Variants in RAP1GAP observed in about 807,000 individuals in gnomAD.
RAP1GAP encodes the protein RAP1 GTPase activating protein, also known as rap1 GTPase-activating protein 1.
RAP1GAP carries 35 observed loss-of-function variants against 87.2 expected under a neutral mutation model. The ratio of observed to expected loss-of-function variants is 0.40; its 90% confidence interval spans 0.31 to 0.53. RAP1GAP has a LOEUF of 0.53. Ranked by LOEUF, RAP1GAP falls within the 20% of genes least tolerant of loss-of-function variation. The pLI is 0.48. For synonymous variants in RAP1GAP, 375 were observed against 363.9 expected (o/e 1.03, Z -0.35); for missense variants, 734 against 898.9 (o/e 0.82, Z 2.35).
chr1:21,661,351 C>T (rs1005530063), intron 1 of RAP1GAP, among the ~76,000 whole-genome samples: 7 of 152,154 alleles, frequency 4.6e-5, no homozygotes, highest in African/African-American at 1.7e-4. Context: ...ATCTCTGACC[C>T]TCAACCCTGA....
chr1:21,664,780 G>T (rs2097284995), intron 1 of RAP1GAP, among the ~76,000 whole-genome samples: 1 of 151,948 alleles, frequency 6.6e-6, no homozygotes, highest in Non-Finnish European at 1.5e-5. Flanking sequence ...AGAAGTATTG[G>T]ATGTTTTTAG....
chr1:21,628,656 G>A (rs1411237779), intron 2 of RAP1GAP, among the ~76,000 whole-genome samples: 2 of 151,666 alleles, frequency 1.3e-5, no homozygotes, highest in African/African-American at 4.8e-5. Flanking sequence ...GGAGGCGGAG[G>A]TTGCAGTGAG....
At position 21,609,982 on chromosome 1, in the gene RAP1GAP, G is replaced by C. The variant is rs1271040195; in HGVS notation, c.999+138C>G. The C allele has an allele frequency of 9.0e-7, 1 of 1,106,750 alleles. No homozygotes were observed. Among genetic ancestry groups the C allele is most frequent in the East Asian group, 2.6e-5 (1 of 38,608 alleles). The allele number at this position is 1,106,750 out of a possible 1,614,324, so 68.6% of individuals were successfully genotyped here. On this transcript the variant is annotated intron_variant, in intron 14 of 24. Transcript: ENST00000374765. This position sits in a 1 kb window ranked among gnomAD's most constrained non-coding sequence, Gnocchi z 4.4. ...TTGGGGACGACAGGGGGCGTGGTGT[G>C]AACAGTGCACCATTGAAGCCTTCCA...
rs1247518460 is a variant in RAP1GAP, at chr1:21,606,075, C to T, written c.1419G>A (p.Ala473=). The change falls in exon 18 of 25, where the codon GCG becomes GCA. Residue 473 remains alanine, a synonymous_variant. Transcript: ENST00000374765. ...FAPNNPDLAK[A]AGISLIVPGK... is the part of the protein sequence containing the mutation. ...GGGGGAGGGCACTCACTATTCCAGC[C>T]GCCTTGGCCAGGTCGGGGTTGTTGG... 7.6e-6 allele frequency: 12 copies of T among 1,582,994 alleles called. No individual in the cohort carries two copies. Among genetic ancestry groups the T allele is most frequent in the African/African-American group, 2.7e-5 (2 of 74,738 alleles).
At chr1:21,604,870 T>C (rs2072886731) in intron 18 of RAP1GAP, among the ~76,000 whole-genome samples, 1 of 140,182 alleles carries the variant, frequency 7.1e-6, no homozygotes, top group Non-Finnish European at 1.5e-5. Flanking sequence ...GATGGATGGA[T>C]GGATGGATGG....
chr1:21,618,648 C>A (rs1429425201), intron 5 of RAP1GAP, among the ~76,000 whole-genome samples: 2 of 152,162 alleles, frequency 1.3e-5, no homozygotes, highest in Non-Finnish European at 2.9e-5. Flanking sequence ...AGTCTTCCTG[C>A]AACTGCTGGT....
chr1:21,642,055 C>T (rs2095573439), intron 2 of RAP1GAP, among the ~76,000 whole-genome samples: 1 of 152,202 alleles, frequency 6.6e-6, no homozygotes, highest in South Asian at 2.1e-4. Flanking sequence ...AGGAATGAGC[C>T]AAGGCTCAGC....
At chr1:21,618,074 G>A in intron 5 of RAP1GAP, 102 bp from the exon 6 acceptor site, 1 of 1,415,294 alleles carries the variant, frequency 7.1e-7, no homozygotes. Context: ...GAGTGCGGAT[G>A]GGGCCCTGGC....
At chr1:21,632,250 G>A (rs1012661790) in intron 2 of RAP1GAP, among the ~76,000 whole-genome samples, 1 of 152,222 alleles carries the variant, frequency 6.6e-6, no homozygotes, top group African/African-American at 2.4e-5. Flanking sequence ...GGGCCCGGCC[G>A]GAAGCCGCTG....
intron 2 of RAP1GAP, among the ~76,000 whole-genome samples, chr1:21,644,299 C>T (rs1287950002): frequency 6.6e-6 from 1 of 152,120 alleles, no homozygotes; most frequent in Non-Finnish European, 1.5e-5. Context: ...TCAAACACCC[C>T]CTCTTCAGAA....
intron 13 of RAP1GAP, 87 bp from the exon 14 acceptor site, chr1:21,610,362 G>A: frequency 6.9e-7 from 1 of 1,448,516 alleles, no homozygotes; most frequent in Non-Finnish European, 9.5e-7. Context: ...GGAGGGTTTG[G>A]GGTAGTCAGA....
intron 1 of RAP1GAP, chr1:21,651,358 TC>T: frequency 4.1e-6 from 2 of 490,462 alleles, no homozygotes; most frequent in Non-Finnish European, 4.1e-6. Flanking sequence ...CAGCAGAACC[TC>T]CCCCTGACCT....
chr1:21,626,427 G>A (rs768291026), intron 2 of RAP1GAP, 30 bp from the exon 3 acceptor site: 5 of 1,573,252 alleles, frequency 3.2e-6, no homozygotes, highest in South Asian at 1.1e-5. Context: ...AGGTCAGGGA[G>A]AGCCCCAAGC....
intron 24 of RAP1GAP, 129 bp downstream of exon 24, chr1:21,597,556 CA>C (rs1645777412): frequency 1.0e-6 from 1 of 953,886 alleles, no homozygotes; most frequent in Non-Finnish European, 1.5e-6. Context: ...AACTGAGGAC[CA>C]GGGGGCTCAA....
chr1:21,628,517 C>T (rs533117059), intron 2 of RAP1GAP, among the ~76,000 whole-genome samples: 1 of 151,464 alleles, frequency 6.6e-6, no homozygotes, highest in South Asian at 2.1e-4. Context: ...CAAGAGATCC[C>T]GAGAACATCC....
At chr1:21,610,452 C>T (rs1249153022) in intron 13 of RAP1GAP, among the ~76,000 whole-genome samples, 177 bp from the exon 14 acceptor site, 1 of 152,136 alleles carries the variant, frequency 6.6e-6, no homozygotes, top group Non-Finnish European at 1.5e-5. Flanking sequence ...TGAAAAATGG[C>T]CTGTTTGGAA....
chr1:21,618,007 C>T, intron 5 of RAP1GAP, 35 bp from the exon 6 acceptor site: 1 of 1,613,906 alleles, frequency 6.2e-7, no homozygotes, highest in Non-Finnish European at 8.5e-7. Flanking sequence ...GTCTCTCCAT[C>T]TGTCCATCCT....
chr1:21,605,976 G>A (rs1273202), intron 18 of RAP1GAP, 90 bp downstream of exon 18: 48,043 of 1,431,844 alleles, frequency 0.034, 984 homozygotes, highest in Non-Finnish European at 0.039. Flanking sequence ...CAGGGCAACA[G>A]AGAGAGTTGG....
At position 21,613,752 on chromosome 1, in the gene RAP1GAP, G is replaced by GAAAATGGGAAC. The variant is rs781726828; in HGVS notation, c.396-57_396-47dup. 30 of 1,541,762 alleles carry GAAAATGGGAAC rather than the reference G, an allele frequency of 1.9e-5. No homozygotes were observed. The highest frequency in any genetic ancestry group is 2.6e-5 in the Non-Finnish European group (29 of 1,116,316). The stretch of plus-strand genomic sequence containing the variant: ...GATGAAGGCCTGGGCAGCAGGACAG[G>GAAAATGGGAAC]AAAATGGGAACCCCACCCCCCACAA... On this transcript the variant is annotated intron_variant, in intron 8 of 24. Coordinates refer to ENST00000374765, the MANE Select transcript of RAP1GAP (RefSeq NM_002885.4). The surrounding 1 kb of genome is among the most constrained non-coding windows in gnomAD (Gnocchi z 4.7).
Sources: gnomAD v4.1 joint callset for allele counts (sites outside exome capture counted in the v4.1 genomes callset) on GRCh38, gnomAD v4.1.1 for gene constraint, Gnocchi (gnomAD v3.1) non-coding constraint, MANE v1.5 for transcripts, NCBI Gene and HGNC (gene_info 2026-07-23, HGNC 2026-07-21) for gene names.